WBP2NL: variants seen among roughly 807,000 people sequenced by gnomAD.
WBP2NL encodes WBP2 N-terminal like.
In WBP2NL, 27 loss-of-function variants were observed where a neutral mutation model predicts 23.3. That is an observed-to-expected ratio of 1.16 (90% CI 0.85 to 1.60). The LOEUF is 1.60. Among genes scored for constraint, WBP2NL ranks in the 40% most tolerant of loss-of-function variants. The probability of loss-of-function intolerance (pLI) is 0.00; values close to 1 mark genes in which losing one functional copy is unlikely to be tolerated. For missense variants in WBP2NL, 370 were observed against 389.5 expected, an observed-to-expected ratio of 0.95 and a Z score of 0.42; for synonymous variants, 151 against 145.9, an observed-to-expected ratio of 1.03 and a Z score of -0.25.
At chr22:42,004,066 G>GT (rs1417780985) in intron 1 of WBP2NL, among the ~76,000 whole-genome samples, 1 of 152,222 alleles carries the variant, frequency 6.6e-6, no homozygotes, top group Non-Finnish European at 1.5e-5. Context: ...GAGGTCAGGA[G>GT]TTTGAGACCA....
rs552607790 is a variant in WBP2NL, at chr22:42,027,265, A to G, written c.*84A>G. The G allele has an allele frequency of 1.8e-4, 264 of 1,489,194 alleles. No individual in the cohort carries two copies. Among genetic ancestry groups the G allele is most frequent in the Non-Finnish European group, 1.3e-4 (144 of 1,117,868 alleles). The allele number at this position is 1,489,194 out of a possible 1,614,324, so 92.2% of individuals were successfully genotyped here. A position where few individuals can be genotyped will look rare whatever the true frequency, so the allele number is the denominator to read the frequency against. On this transcript the variant is annotated 3_prime_UTR_variant, in exon 6 of 6. Coordinates refer to ENST00000328823, the MANE Select transcript of WBP2NL (RefSeq NM_152613.3). The stretch of plus-strand genomic sequence containing the variant: ...TCAGGATAAGGAGGACGACTCAGGT[A>G]TGTGATCACAGGCTTCTCGCAGGTA...
chr22:42,008,438 A>G (rs1922502371), intron 1 of WBP2NL, among the ~76,000 whole-genome samples: 1 of 151,762 alleles, frequency 6.6e-6, no homozygotes, highest in Admixed American at 6.6e-5. Context: ...AACTCTTAGC[A>G]TCAAGTGATC....
At chr22:42,020,232 G>T (rs1923764680) in intron 4 of WBP2NL, 136 bp downstream of exon 4, 1 of 808,422 alleles carries the variant, frequency 1.2e-6, no homozygotes, top group African/African-American at 1.7e-5. Context: ...GTAAGTCGGG[G>T]TTTCACCATG....
At chr22:42,019,504 A>G (rs1453827643) in intron 2 of WBP2NL, 85 bp downstream of exon 2, 2 of 1,551,676 alleles carry the variant, frequency 1.3e-6, no homozygotes, top group Non-Finnish European at 1.8e-6. Context: ...TTGACTTTTG[A>G]AGTGTTTTTA....
chr22:42,031,469 C>T (rs1253978977), downstream of WBP2NL: 1 of 152,162 alleles, frequency 6.6e-6, no homozygotes, highest in Non-Finnish European at 1.5e-5. Flanking sequence ...AATACAGAAA[C>T]TATACTCTGT....
At chr22:42,010,524 G>C (rs1031892264) in intron 1 of WBP2NL, among the ~76,000 whole-genome samples, 1 of 151,942 alleles carries the variant, frequency 6.6e-6, no homozygotes, top group Non-Finnish European at 1.5e-5. Flanking sequence ...AAAATATATT[G>C]AACCTTTTCT....
chr22:42,007,187 A>G (rs975519357), intron 1 of WBP2NL, among the ~76,000 whole-genome samples: 1 of 151,308 alleles, frequency 6.6e-6, no homozygotes, highest in Non-Finnish European at 1.5e-5. Context: ...TCTTTACTCA[A>G]CCCCTAATCT....
intron 1 of WBP2NL, among the ~76,000 whole-genome samples, chr22:42,014,201 A>G (rs1923099294): frequency 6.6e-6 from 1 of 152,082 alleles, no homozygotes. Context: ...GATTACAGGC[A>G]TGAGCCACTG....
intron 1 of WBP2NL, among the ~76,000 whole-genome samples, chr22:42,006,763 C>A (rs961381605): frequency 3.3e-5 from 5 of 152,202 alleles, no homozygotes; most frequent in South Asian, 4.1e-4. Flanking sequence ...TTCGGAGTTC[C>A]CATTATATTT....
intron 1 of WBP2NL, among the ~76,000 whole-genome samples, chr22:42,000,899 G>A (rs1394091133): frequency 6.6e-6 from 1 of 152,110 alleles, no homozygotes. Context: ...AAAGGTTGAG[G>A]CAGGAGAATT....
chr22:42,000,552 C>T (rs1921532622), intron 1 of WBP2NL, among the ~76,000 whole-genome samples: 1 of 152,032 alleles, frequency 6.6e-6, no homozygotes, highest in South Asian at 2.1e-4. Flanking sequence ...TAAGAGAAAA[C>T]TGGTCAGATG....
At chr22:42,040,171 C>A (rs1477595978) in intron 8 of WBP2NL, among the ~76,000 whole-genome samples, 1 of 151,916 alleles carries the variant, frequency 6.6e-6, no homozygotes, top group Non-Finnish European at 1.5e-5. Flanking sequence ...CCTTGGCCTC[C>A]CACCATGCCT....
At chr22:42,041,216 C>T (rs911372254) in intron 8 of WBP2NL, among the ~76,000 whole-genome samples, 5 of 152,104 alleles carry the variant, frequency 3.3e-5, no homozygotes, top group African/African-American at 9.7e-5. Context: ...CAGTGGCACA[C>T]GCCTGTAATC....
Position 42,020,862 on chromosome 22 carries a change from GTGTGTGTATATATATATATA to G in WBP2NL, c.406+768_406+787del, listed in dbSNP as rs1307783721. ...TTTTTTATCTCATATATGTGTGTGT[GTGTGTGTATATATATATATA>G]TATATATATATATATATATATATAT... On this transcript the variant is annotated intron_variant, in intron 4 of 5. Transcript: ENST00000328823. Among the ~76,000 whole-genome samples, 158 of 33,960 alleles carry G rather than the reference GTGTGTGTATATATATATATA, an allele frequency of 4.7e-3. 4 individuals are homozygous for G. Among genetic ancestry groups the G allele is most frequent in the African/African-American group, 0.024 (141 of 5,942 alleles). 22.3% of individuals were successfully genotyped at this position (33,960 alleles called of 152,430 possible).
chr22:42,049,695 C>CAAAAAA (rs1569455101), intron 8 of WBP2NL, among the ~76,000 whole-genome samples: 61 of 22,810 alleles, frequency 2.7e-3, no homozygotes, highest in South Asian at 3.7e-3. Flanking sequence ...GTCTCCAAAA[C>CAAAAAA]AAAACAAAAC....
intron 8 of WBP2NL, among the ~76,000 whole-genome samples, chr22:42,040,317 G>T (rs1446567661): frequency 4.0e-5 from 6 of 151,642 alleles, no homozygotes; most frequent in African/African-American, 1.5e-4. Context: ...CCGCCTCCTG[G>T]GTTCAAGTAA....
intron 4 of WBP2NL, among the ~76,000 whole-genome samples, chr22:42,021,585 C>G (rs1320409236): frequency 6.6e-6 from 1 of 152,152 alleles, no homozygotes; most frequent in Non-Finnish European, 1.5e-5. Flanking sequence ...AAAGTGTTTT[C>G]TTCGGTACCA....
intron 5 of WBP2NL, among the ~76,000 whole-genome samples, chr22:42,023,592 C>T (rs1227492877): frequency 2.0e-5 from 3 of 151,878 alleles, no homozygotes; most frequent in Non-Finnish European, 2.9e-5. Context: ...CCCGGGTTCA[C>T]GCCATTCTCC....
intron 8 of WBP2NL, among the ~76,000 whole-genome samples, chr22:42,047,269 CAAAAA>C (rs140516534): frequency 4.9e-5 from 5 of 101,484 alleles, no homozygotes; most frequent in Non-Finnish European, 6.0e-5. Flanking sequence ...TTTTCAAGCT[CAAAAA>C]AAAAAAAAAA....
Sources: allele counts gnomAD v4.1 joint callset (sites outside exome capture counted in the v4.1 genomes callset), GRCh38; gene constraint gnomAD v4.1.1; transcripts MANE v1.5; gene names NCBI Gene and HGNC (gene_info 2026-07-23, HGNC 2026-07-21).